The following NTM variants were observed in gnomAD, a reference collection of about 807,000 sequenced individuals.
NTM encodes the protein neurotrimin.
In NTM, 13 loss-of-function variants were observed where a neutral mutation model predicts 42.1. That is an observed-to-expected ratio of 0.31 (90% CI 0.20 to 0.49). The LOEUF is 0.49. Ranked by LOEUF, NTM falls within the 20% of genes least tolerant of loss-of-function variation. The probability of loss-of-function intolerance (pLI) is 0.99; values close to 1 mark genes in which losing one functional copy is unlikely to be tolerated. For synonymous variants in NTM, 187 were observed against 179.2 expected, an observed-to-expected ratio of 1.04 and a Z score of -0.35; for missense variants, 373 against 452.8, an observed-to-expected ratio of 0.82 and a Z score of 1.60.
At chr11:131,493,832 C>T (rs941639758) in intron 1 of NTM, among the ~76,000 whole-genome samples, 10 of 152,200 alleles carry the variant, frequency 6.6e-5, no homozygotes, top group Admixed American at 5.9e-4. Context: ...TCTATTCCAT[C>T]AAGGCTGAGA....
chr11:131,636,685 C>A (rs879508397), intron 1 of NTM, among the ~76,000 whole-genome samples: 1 of 152,188 alleles, frequency 6.6e-6, no homozygotes, highest in East Asian at 1.9e-4. Flanking sequence ...GGCTTCAGAA[C>A]GAAACAGATC....
intron 2 of NTM, among the ~76,000 whole-genome samples, chr11:132,123,210 A>G (rs1454206684): frequency 1.3e-5 from 2 of 152,212 alleles, no homozygotes; most frequent in African/African-American, 4.8e-5. Flanking sequence ...GAAAGCTGTC[A>G]TCAAATTTTA....
chr11:132,246,065 G>C (rs563601087), intron 4 of NTM, among the ~76,000 whole-genome samples: 2 of 152,240 alleles, frequency 1.3e-5, no homozygotes, highest in Non-Finnish European at 2.9e-5. Flanking sequence ...ACTGAGTAGA[G>C]AAAGTGGAGT....
At position 132,318,353 on chromosome 11, in the gene NTM, G is replaced by A. The variant is rs2095483802; in HGVS notation, c.934+3650G>A. Among the ~76,000 whole-genome samples the A allele has an allele frequency of 2.0e-5, 3 of 152,128 alleles. No homozygotes were observed. The South Asian group carries it at 6.2e-4, about 32-fold the overall frequency. On this transcript the variant is annotated intron_variant, in intron 7 of 8. Transcript: ENST00000683400. ...TTCCAACAGTCAATGGAGAATGCAT[G>A]TTACAAAGGCTTTGAAAACTGTGAG...
rs376727234 is a variant in NTM at position 132,051,473 on chromosome 11, C to G, written c.168-94809C>G. On this transcript the variant is annotated intron_variant, in intron 2 of 8. Coordinates refer to ENST00000683400, the MANE Select transcript of NTM (RefSeq NM_001352005.2). ...TGTGGGTTCTGGAATTGCTGGGATACCAAGTGTCTACAGTGACCAGGAGGG... is the reference window on the plus strand; with the variant it reads ...TGTGGGTTCTGGAATTGCTGGGATAGCAAGTGTCTACAGTGACCAGGAGGG... Among the ~76,000 whole-genome samples, 10 of 152,268 alleles carry G rather than the reference C, an allele frequency of 6.6e-5. 1 individual carries two copies. In the East Asian group the frequency reaches 1.5e-3, roughly 24 times the overall value.
chr11:131,482,951 C>A (rs921524472), intron 1 of NTM, among the ~76,000 whole-genome samples: 1 of 152,176 alleles, frequency 6.6e-6, no homozygotes. Flanking sequence ...AGAAGAAGCA[C>A]ACGCAGAGGA....
chr11:131,420,029 A>G (rs1420999635), intron 1 of NTM, among the ~76,000 whole-genome samples: 1 of 152,054 alleles, frequency 6.6e-6, no homozygotes, highest in East Asian at 1.9e-4. Flanking sequence ...TCCTCCTCTC[A>G]CGTAGCAATT....
At chr11:131,388,285 C>T (rs1329664893) in intron 1 of NTM, among the ~76,000 whole-genome samples, 1 of 152,042 alleles carries the variant, frequency 6.6e-6, no homozygotes, top group Non-Finnish European at 1.5e-5. Flanking sequence ...TATGTAAGTA[C>T]ATATAGATTC....
At chr11:131,477,981 G>A (rs1953131035) in intron 1 of NTM, among the ~76,000 whole-genome samples, 1 of 151,866 alleles carries the variant, frequency 6.6e-6, no homozygotes, top group South Asian at 2.1e-4. Context: ...GTGACTTTCT[G>A]GCCCACGCTG....
intron 2 of NTM, among the ~76,000 whole-genome samples, chr11:131,988,044 A>G (rs558024485): frequency 6.8e-4 from 104 of 152,324 alleles, no homozygotes; most frequent in African/African-American, 2.4e-3. Context: ...GGGAAGTCCA[A>G]TATCAAGGCA....
intron 2 of NTM, among the ~76,000 whole-genome samples, chr11:131,989,913 C>G (rs1307464867): frequency 6.6e-6 from 1 of 152,004 alleles, no homozygotes; most frequent in Non-Finnish European, 1.5e-5. Flanking sequence ...TTCATTGGCT[C>G]AAGCAAATCA....
chr11:132,310,530 T>G (rs1284302606), intron 6 of NTM, among the ~76,000 whole-genome samples: 3 of 152,186 alleles, frequency 2.0e-5, no homozygotes, highest in Non-Finnish European at 4.4e-5. Flanking sequence ...CTGTGAATTT[T>G]TTATAGGCCA....
intron 1 of NTM, among the ~76,000 whole-genome samples, chr11:131,682,852 C>T (rs576577329): frequency 7.3e-5 from 11 of 150,142 alleles, no homozygotes; most frequent in Non-Finnish European, 1.5e-4. Context: ...CGGTGGCAGC[C>T]GCTGTTTCCT....
chr11:131,471,932 T>C (rs1306989974), intron 1 of NTM, among the ~76,000 whole-genome samples: 1 of 152,174 alleles, frequency 6.6e-6, no homozygotes, highest in East Asian at 1.9e-4. Flanking sequence ...AATTTGCTTA[T>C]GGGAGAGATT....
At chr11:131,648,093 G>A (rs918261676) in intron 1 of NTM, among the ~76,000 whole-genome samples, 1 of 152,152 alleles carries the variant, frequency 6.6e-6, no homozygotes, top group African/African-American at 2.4e-5. Context: ...CCACTTATAA[G>A]TGAGAGCATG....
intron 1 of NTM, among the ~76,000 whole-genome samples, chr11:131,626,583 A>G (rs1182794012): frequency 6.6e-6 from 1 of 152,250 alleles, no homozygotes; most frequent in East Asian, 1.9e-4. Context: ...CCTCACGTGT[A>G]AAGCAACAAC....
intron 1 of NTM, among the ~76,000 whole-genome samples, chr11:131,776,266 C>T (rs778025183): frequency 4.6e-5 from 7 of 152,152 alleles, no homozygotes; most frequent in Non-Finnish European, 1.5e-5. Context: ...CCAACCTGTG[C>T]GACTCCAAAT....
In NTM at chr11:132,238,049, G is replaced by A. The variant is rs192717386; in HGVS notation, c.526+25902G>A. On this transcript the variant is annotated intron_variant, in intron 4 of 8. Transcript: ENST00000683400. ...GAGACCAATTGTTTTACAGCAGACA[G>A]GATCTTGGTGTGCATTGTTTAATGA... Among the ~76,000 whole-genome samples, 5 of 152,290 alleles carry A rather than the reference G, an allele frequency of 3.3e-5. No homozygotes were observed. The East Asian group carries it at 9.7e-4, about 29-fold the overall frequency.
Position 132,049,078 on chromosome 11 carries a change from A to G in NTM, c.168-97204A>G, listed in dbSNP as rs544272440. ...ATATGACCAGGTCATAGGAAATGCAATTGAAGGGAAATATAATTGGAGGGA... is the reference window on the plus strand; with the variant it reads ...ATATGACCAGGTCATAGGAAATGCAGTTGAAGGGAAATATAATTGGAGGGA... On this transcript the variant is annotated intron_variant, in intron 2 of 8. Transcript: ENST00000683400. Among the ~76,000 whole-genome samples, 142 of 152,252 alleles carry G rather than the reference A, an allele frequency of 9.3e-4. 2 individuals are homozygous for G. Among genetic ancestry groups the G allele is most frequent in the African/African-American group, 3.2e-3 (132 of 41,564 alleles).
Sources: gnomAD v4.1 joint callset for allele counts (sites outside exome capture counted in the v4.1 genomes callset) on GRCh38, gnomAD v4.1.1 for gene constraint, MANE v1.5 for transcripts, NCBI Gene and HGNC (gene_info 2026-07-23, HGNC 2026-07-21) for gene names.